Variants in EXD3 observed in about 807,000 individuals in gnomAD.
The protein encoded by EXD3 is exonuclease 3'-5' domain containing 3.
In EXD3, 92 loss-of-function variants were observed where a neutral mutation model predicts 98.0. The ratio of observed to expected loss-of-function variants is 0.94; its 90% CI spans 0.79 to 1.12. EXD3 has a LOEUF of 1.12. EXD3 is among the 50% of genes most tolerant of loss of function. The pLI, the probability that EXD3 is intolerant of heterozygous loss-of-function variation, is 0.00. For synonymous variants in EXD3, 569 were observed against 526.0 expected, an observed-to-expected ratio of 1.08 and a Z score of -1.12; for missense variants, 1,222 against 1,191.6, an observed-to-expected ratio of 1.03 and a Z score of -0.38.
chr9:137,348,325 CA>C, intron 16 of EXD3, 87 bp from the exon 17 acceptor site: 1 of 1,365,346 alleles, frequency 7.3e-7, no homozygotes, highest in East Asian at 2.5e-5. Context: ...GCTGTGTGGC[CA>C]GCACTCTGTC....
At position 137,338,002 on chromosome 9, in the gene EXD3, T is replaced by C. The variant is rs541877662; in HGVS notation, c.1998+10069A>G. ...CAGGGTTTCACTGTGTTAGCCAGGATGGTCTCGATCTCCTGACCTCGTGAT... is the reference window on the plus strand; with the variant it reads ...CAGGGTTTCACTGTGTTAGCCAGGACGGTCTCGATCTCCTGACCTCGTGAT... On this transcript the variant is annotated intron_variant, in intron 17 of 21. Coordinates refer to ENST00000340951, the MANE Select transcript of EXD3 (RefSeq NM_017820.5). 5.4e-3 allele frequency among the ~76,000 whole-genome samples: 825 copies of C among 152,208 alleles called. 2 individuals carry two copies. The highest frequency in any genetic ancestry group is 8.3e-3 in the Non-Finnish European group (566 of 68,010).
chr9:137,368,688 T>C (rs920860823), intron 5 of EXD3, among the ~76,000 whole-genome samples: 1 of 152,054 alleles, frequency 6.6e-6, no homozygotes, highest in African/African-American at 2.4e-5. Flanking sequence ...AGGACCAAAA[T>C]AGCGGCCTGG....
At chr9:137,417,561 G>C (rs916071612) in intron 1 of EXD3, among the ~76,000 whole-genome samples, 2 of 152,218 alleles carry the variant, frequency 1.3e-5, no homozygotes, top group Non-Finnish European at 2.9e-5. Flanking sequence ...CCCGGGCAGA[G>C]ACCACGGGGA....
intron 17 of EXD3, among the ~76,000 whole-genome samples, chr9:137,333,982 A>AC (rs1240612705): frequency 6.6e-6 from 1 of 151,662 alleles, no homozygotes; most frequent in Non-Finnish European, 1.5e-5. Context: ...AGCTGAGACT[A>AC]CAGGCGCCCA....
At chr9:137,414,123 T>C (rs927531751) in intron 1 of EXD3, among the ~76,000 whole-genome samples, 1 of 152,096 alleles carries the variant, frequency 6.6e-6, no homozygotes, top group African/African-American at 2.4e-5. Context: ...CACTGTGTGT[T>C]AGCCAGGATG....
At chr9:137,417,588 G>A (rs1333926234) in intron 1 of EXD3, among the ~76,000 whole-genome samples, 3 of 152,314 alleles carry the variant, frequency 2.0e-5, no homozygotes, top group African/African-American at 4.8e-5. Context: ...ACGCGCGTCC[G>A]CACAAACTAC....
intron 11 of EXD3, among the ~76,000 whole-genome samples, 182 bp from the exon 12 acceptor site, chr9:137,352,383 C>T (rs1834351789): frequency 6.6e-6 from 1 of 152,196 alleles, no homozygotes; most frequent in Non-Finnish European, 1.5e-5. Flanking sequence ...TCCCAGTGGC[C>T]CTGGTGACTG....
chr9:137,333,846 C>CT (rs1003431771), intron 17 of EXD3, among the ~76,000 whole-genome samples: 9 of 150,830 alleles, frequency 6.0e-5, no homozygotes, highest in East Asian at 1.9e-4. Flanking sequence ...CTTTTCTTTT[C>CT]TTTTTTTTTG....
chr9:137,337,273 C>T (rs1339356665), intron 17 of EXD3, among the ~76,000 whole-genome samples: 1 of 152,146 alleles, frequency 6.6e-6, no homozygotes, highest in African/African-American at 2.4e-5. Context: ...ACTGACGTAA[C>T]TGCATGGAAA....
Position 137,403,891 on chromosome 9 carries a change from C to T in EXD3, c.-47-8487G>A, listed in dbSNP as rs1837592643. ...GATAGGGATGGGTCCCGAGGCGGGG[C>T]AGTCACACCCCCACGCCATCTCTGC... On this transcript the variant is annotated intron_variant, in intron 1 of 21. Transcript: ENST00000340951. The surrounding 1 kb of genome is among the most constrained non-coding windows in gnomAD (Gnocchi z 6.1). 6.6e-6 allele frequency among the ~76,000 whole-genome samples: 1 copy of T among 152,224 alleles called. No homozygotes were observed. The highest frequency in any genetic ancestry group is 2.4e-5 in the African/African-American group (1 of 41,462).
chr9:137,373,564 C>A lies in EXD3; in HGVS notation c.156G>T (p.Leu52Phe). The change falls in exon 4 of 22, where the codon TTG (leucine) becomes TTT (phenylalanine). Residue 52 changes from leucine to phenylalanine, a missense_variant. Coordinates refer to ENST00000340951, the MANE Select transcript of EXD3 (RefSeq NM_017820.5). ...CCAGAAGCCCGGCCAGGGGGTCGTC[C>A]AAGGCAGCAAACCCCCGCCAGGCTT... ...REEAWRGFAALDDPLAGLLDM... is the reference protein window; with the variant it reads ...REEAWRGFAAFDDPLAGLLDM... 6.2e-7 allele frequency: 1 copy of A among 1,603,806 alleles called. No individual in the cohort carries two copies. Among genetic ancestry groups the A allele is most frequent in the East Asian group, 2.2e-5 (1 of 44,458 alleles).
chr9:137,415,772 C>T (rs1242643594), intron 1 of EXD3, among the ~76,000 whole-genome samples: 1 of 152,202 alleles, frequency 6.6e-6, no homozygotes, highest in South Asian at 2.1e-4. Context: ...TCTGATCACA[C>T]AAGGTAGAAT....
intron 3 of EXD3, among the ~76,000 whole-genome samples, chr9:137,382,316 G>C (rs1320057612): frequency 1.3e-5 from 2 of 151,722 alleles, no homozygotes; most frequent in Non-Finnish European, 2.9e-5. Context: ...CTGCTCCAAG[G>C]AGACGCCAGG....
intron 6 of EXD3, 125 bp downstream of exon 6, chr9:137,367,811 C>A: frequency 1.1e-6 from 1 of 923,572 alleles, no homozygotes; most frequent in South Asian, 1.6e-5. Context: ...CTCGCCGGCC[C>A]CCGATGGCCC....
chr9:137,366,273 C>G (rs1265355699), intron 7 of EXD3: 1 of 725,086 alleles, frequency 1.4e-6, no homozygotes, highest in African/African-American at 1.7e-5. Flanking sequence ...GCAGTTAACT[C>G]TTTTCACTCG....
intron 3 of EXD3, chr9:137,374,977 T>C (rs970058963): frequency 6.6e-6 from 3 of 456,134 alleles, no homozygotes; most frequent in African/African-American, 6.4e-5. Context: ...GTTCCAGCTC[T>C]AGTAAGTTGT....
At chr9:137,362,144 G>A (rs1182161696) in intron 7 of EXD3, among the ~76,000 whole-genome samples, 1 of 152,198 alleles carries the variant, frequency 6.6e-6, no homozygotes, top group African/African-American at 2.4e-5. Flanking sequence ...AGGCAAGGGA[G>A]TAATTCCAAG....
chr9:137,370,995 CG>C (rs975225395), intron 5 of EXD3, among the ~76,000 whole-genome samples: 3 of 152,194 alleles, frequency 2.0e-5, no homozygotes, highest in African/African-American at 7.2e-5. Flanking sequence ...CGGCCTCTTT[CG>C]GCCGGGCGCG....
chr9:137,347,733 T>C lies in EXD3; in HGVS notation c.1998+338A>G, dbSNP rs1272364399. On this transcript the variant is annotated intron_variant, in intron 17 of 21. Transcript: ENST00000340951. The surrounding 1 kb of genome is among the most constrained non-coding windows in gnomAD (Gnocchi z 4.2). Reference sequence around the variant, plus strand: ...TGCTGGGATTATAGGCATGAGCCACTGCGTCCGGCCCCATTTCTGCTTTTA... The same window carrying C: ...TGCTGGGATTATAGGCATGAGCCACCGCGTCCGGCCCCATTTCTGCTTTTA... 2.0e-5 allele frequency among the ~76,000 whole-genome samples: 3 copies of C among 152,178 alleles called. No individual in the cohort carries two copies. The highest frequency in any genetic ancestry group is 7.2e-5 in the African/African-American group (3 of 41,466).
Sources: allele counts gnomAD v4.1 joint callset (sites outside exome capture counted in the v4.1 genomes callset), GRCh38; gene constraint gnomAD v4.1.1; non-coding constraint Gnocchi (gnomAD v3.1); transcripts MANE v1.5; gene names NCBI Gene and HGNC (gene_info 2026-07-23, HGNC 2026-07-21).